The following PCMT1 variants were observed in gnomAD, a reference collection of about 807,000 sequenced individuals.
PCMT1 encodes protein-L-isoaspartate(D-aspartate) O-methyltransferase.
PCMT1 carries 9 observed loss-of-function variants against 29.2 expected under a neutral mutation model. That is an observed-to-expected ratio of 0.31 (90% CI 0.19 to 0.54). PCMT1 has a LOEUF of 0.54. Among genes scored for constraint, PCMT1 ranks in the 20% least tolerant of loss-of-function variants. PCMT1 has a pLI of 0.95. For missense variants in PCMT1, 184 were observed against 282.2 expected (o/e 0.65, Z 2.49); for synonymous variants, 98 against 97.5 (o/e 1.00, Z -0.03).
chr6:149,792,581 C>T (rs2115316693), intron 4 of PCMT1, among the ~76,000 whole-genome samples: 1 of 152,166 alleles, frequency 6.6e-6, no homozygotes, highest in African/African-American at 2.4e-5. Flanking sequence ...GGCACGATCT[C>T]AACTCACTGC....
intron 4 of PCMT1, 74 bp downstream of exon 4, chr6:149,790,132 G>A (rs1431636069): frequency 1.2e-6 from 1 of 829,902 alleles, no homozygotes; most frequent in Admixed American, 2.5e-5. Flanking sequence ...TTTTTAACTA[G>A]TGGTTTTCAT....
chr6:149,795,276 A>G, intron 5 of PCMT1: 1 of 407,478 alleles, frequency 2.5e-6, no homozygotes, highest in Non-Finnish European at 4.7e-6. Flanking sequence ...CCTCTCGTCC[A>G]AGCAGTCCTT....
At chr6:149,757,032 A>G (rs1404789389) in intron 1 of PCMT1, among the ~76,000 whole-genome samples, 2 of 152,000 alleles carry the variant, frequency 1.3e-5, no homozygotes, top group African/African-American at 4.8e-5. Flanking sequence ...ACAGGAGCCT[A>G]TAATCCCAGC....
At chr6:149,789,925 T>A in intron 3 of PCMT1, 29 bp from the exon 4 acceptor site, 1 of 1,468,538 alleles carries the variant, frequency 6.8e-7, no homozygotes, top group South Asian at 1.2e-5. Flanking sequence ...TACTTTAGTC[T>A]TAATGAATAT....
At chr6:149,754,369 C>G (rs1385148300) in intron 1 of PCMT1, among the ~76,000 whole-genome samples, 1 of 152,096 alleles carries the variant, frequency 6.6e-6, no homozygotes, top group African/African-American at 2.4e-5. Context: ...AAACCGTGAG[C>G]CTGCTTAATC....
intron 3 of PCMT1, among the ~76,000 whole-genome samples, chr6:149,776,100 G>C (rs1363673410): frequency 6.6e-6 from 1 of 151,960 alleles, no homozygotes; most frequent in African/African-American, 2.4e-5. Flanking sequence ...CAGAGGTTGC[G>C]TTGAGCTGAA....
At chr6:149,773,767 G>T (rs1435707644) in intron 3 of PCMT1, among the ~76,000 whole-genome samples, 1 of 152,072 alleles carries the variant, frequency 6.6e-6, no homozygotes, top group African/African-American at 2.4e-5. Flanking sequence ...GAACATAAAA[G>T]GTTATTTAGT....
intron 1 of PCMT1, among the ~76,000 whole-genome samples, chr6:149,769,700 G>A (rs1247244256): frequency 2.0e-5 from 3 of 151,414 alleles, no homozygotes; most frequent in Non-Finnish European, 2.9e-5. Context: ...CTGGGCTCAA[G>A]CAATTCTCCC....
At chr6:149,805,270 C>CAATT (rs1307855558) in intron 7 of PCMT1, among the ~76,000 whole-genome samples, 2 of 152,038 alleles carry the variant, frequency 1.3e-5, no homozygotes, top group Admixed American at 6.6e-5. Flanking sequence ...AATTTATGGA[C>CAATT]AATTAGTCAT....
chr6:149,764,747 A>G (rs1346944236), intron 1 of PCMT1, among the ~76,000 whole-genome samples: 2 of 152,028 alleles, frequency 1.3e-5, no homozygotes, highest in Non-Finnish European at 2.9e-5. Context: ...CTCTTTAAAA[A>G]TTAAAAAATG....
rs1775856695 is a variant in PCMT1 at position 149,802,245 on chromosome 6, G to A, written c.550G>A (p.Gly184Ser). ...KPGGRLILPV[G>S]PAGGNQMLEQ... Reference sequence around the variant, plus strand: ...CGGAGGAAGATTGATATTGCCTGTTGGTCCTGCAGGCGGAAACCAAATGTT... The same window carrying A: ...CGGAGGAAGATTGATATTGCCTGTTAGTCCTGCAGGCGGAAACCAAATGTT... Residue 184 changes from glycine to serine, a missense_variant, in exon 7 of 8, where the codon GGT (glycine) becomes AGT (serine). Transcript: ENST00000464889. 1 of 1,612,276 alleles carries A rather than the reference G, an allele frequency of 6.2e-7. No individual in the cohort carries two copies. Among genetic ancestry groups the A allele is most frequent in the Non-Finnish European group, 8.5e-7 (1 of 1,178,928 alleles).
intron 3 of PCMT1, 57 bp downstream of exon 3, chr6:149,773,226 T>A: frequency 7.6e-7 from 1 of 1,323,898 alleles, no homozygotes; most frequent in Admixed American, 1.9e-5. Context: ...CTATAATCAT[T>A]TTCTTTAGTA....
At chr6:149,789,360 G>A (rs112269871) in intron 3 of PCMT1, among the ~76,000 whole-genome samples, 2,677 of 151,950 alleles carry the variant, frequency 0.018, 67 homozygotes, top group African/African-American at 0.06. Flanking sequence ...TCAGGCCTGA[G>A]CCACCACGCC....
intron 2 of PCMT1, 56 bp from the exon 3 acceptor site, chr6:149,773,082 T>C: frequency 7.4e-7 from 1 of 1,343,024 alleles, no homozygotes; most frequent in Non-Finnish European, 1.1e-6. Context: ...AGAAATTATG[T>C]GAAATAGTAT....
intron 7 of PCMT1, among the ~76,000 whole-genome samples, chr6:149,806,659 T>C (rs1394964107): frequency 6.6e-6 from 1 of 152,114 alleles, no homozygotes; most frequent in Non-Finnish European, 1.5e-5. Context: ...GCATGATCTC[T>C]GCTCACTGCA....
At chr6:149,749,726 G>A, upstream of PCMT1, 1 of 1,542,200 alleles carries the variant, frequency 6.5e-7, no homozygotes, top group Non-Finnish European at 8.7e-7. Context: ...GTGCCGCGGG[G>A]GATGCCGGGA....
intron 1 of PCMT1, among the ~76,000 whole-genome samples, chr6:149,758,488 G>A (rs558427933): frequency 6.6e-6 from 1 of 151,984 alleles, no homozygotes; most frequent in South Asian, 2.1e-4. Flanking sequence ...GGGATTACAA[G>A]CATTAGCCAC....
chr6:149,809,606 CACTT>C (rs1359801687), intron 7 of PCMT1, among the ~76,000 whole-genome samples: 4 of 152,124 alleles, frequency 2.6e-5, no homozygotes, highest in African/African-American at 9.7e-5. Flanking sequence ...AATTTACCCC[CACTT>C]ACTTGTGAAA....
At chr6:149,768,132 C>G (rs965412679) in intron 1 of PCMT1, among the ~76,000 whole-genome samples, 1 of 147,842 alleles carries the variant, frequency 6.8e-6, no homozygotes, top group Non-Finnish European at 1.5e-5. Context: ...TACTCTGTTG[C>G]CCAGGCTGGA....
Sources: allele counts gnomAD v4.1 joint callset (sites outside exome capture counted in the v4.1 genomes callset), GRCh38; gene constraint gnomAD v4.1.1; transcripts MANE v1.5; gene names NCBI Gene and HGNC (gene_info 2026-07-23, HGNC 2026-07-21).